The following NR3C2 variants were observed in gnomAD, a reference collection of about 807,000 sequenced individuals.
NR3C2 encodes nuclear receptor subfamily 3 group C member 2.
NR3C2 carries 15 observed loss-of-function variants against 86.4 expected under a neutral mutation model. The observed-to-expected ratio is 0.17, with a 90% CI of 0.12 to 0.27. The LOEUF (loss-of-function observed/expected upper bound fraction) is 0.27. Ranked by LOEUF, NR3C2 falls within the 10% of genes least tolerant of loss-of-function variation. The pLI is 1.00. For missense variants in NR3C2, 960 were observed against 1,195.6 expected (o/e 0.80, Z 2.91); for synonymous variants, 458 against 450.5 (o/e 1.02, Z -0.21).
chr4:148,333,624 C>G (rs1018243530), intron 2 of NR3C2, among the ~76,000 whole-genome samples: 1 of 152,130 alleles, frequency 6.6e-6, no homozygotes, highest in African/African-American at 2.4e-5. Flanking sequence ...TAGTCCCACA[C>G]AGTCACCTCC....
At chr4:148,368,248 C>T (rs1194972678) in intron 2 of NR3C2, 1 of 152,200 alleles carries the variant, frequency 6.6e-6, no homozygotes, top group East Asian at 1.9e-4. Context: ...AGCTGAGATT[C>T]TTGCTGTGTC....
chr4:148,382,504 C>G (rs1747050527), intron 2 of NR3C2, among the ~76,000 whole-genome samples: 1 of 152,142 alleles, frequency 6.6e-6, no homozygotes, highest in Non-Finnish European at 1.5e-5. Flanking sequence ...GAACACAGAT[C>G]TGTTCAACTC....
rs200005554 is a variant in NR3C2, at chr4:148,134,680, G to A, written c.2511-14392C>T. Among the ~76,000 whole-genome samples, 21 of 56,494 alleles carry A rather than the reference G, an allele frequency of 3.7e-4. No individual in the cohort carries two copies. The East Asian group carries it at 0.019, about 51-fold the overall frequency. 37.1% of individuals were successfully genotyped at this position (56,494 alleles called of 152,430 possible). ...TTTTTTTTTTTTTAGAGGGAGTCTC[G>A]CTCTATCGCCCAGGCTGGAGTGCTG... On this transcript the variant is annotated intron_variant, in intron 6 of 8. Coordinates refer to ENST00000358102, the MANE Select transcript of NR3C2 (RefSeq NM_000901.5).
Position 148,209,200 on chromosome 4 carries a change from T to C in NR3C2, c.1898-14338A>G, listed in dbSNP as rs370751282. Among the ~76,000 whole-genome samples, 29 of 148,092 alleles carry C rather than the reference T, an allele frequency of 2.0e-4. No homozygotes were observed. The South Asian group carries it at 3.4e-3, about 17-fold the overall frequency. On this transcript the variant is annotated intron_variant, in intron 3 of 8. Coordinates refer to ENST00000358102, the MANE Select transcript of NR3C2 (RefSeq NM_000901.5). ...CAGAGGTTGCAGTGAGCCGAAATAG[T>C]GCGACTGCACTCCAGCCTGGGCAAC...
At chr4:148,143,058 T>C (rs1330848677) in intron 6 of NR3C2, among the ~76,000 whole-genome samples, 2 of 152,166 alleles carry the variant, frequency 1.3e-5, no homozygotes, top group African/African-American at 2.4e-5. Context: ...AAATCTCCTT[T>C]CTTTATAAAT....
At chr4:148,345,520 G>T (rs1744946650) in intron 2 of NR3C2, among the ~76,000 whole-genome samples, 1 of 151,944 alleles carries the variant, frequency 6.6e-6, no homozygotes, top group African/African-American at 2.4e-5. Context: ...ATTTATTTTT[G>T]AGGGGGGTAA....
At chr4:148,424,957 A>G (rs1749457275) in intron 2 of NR3C2, among the ~76,000 whole-genome samples, 1 of 152,186 alleles carries the variant, frequency 6.6e-6, no homozygotes, top group African/African-American at 2.4e-5. Flanking sequence ...TAAGTCATCA[A>G]TTATCTTGGA....
intron 2 of NR3C2, among the ~76,000 whole-genome samples, chr4:148,295,821 T>C (rs912318070): frequency 2.0e-5 from 3 of 151,824 alleles, no homozygotes; most frequent in African/African-American, 7.3e-5. Flanking sequence ...AATCACTGAA[T>C]CATGAAGATG....
At chr4:148,416,032 GCATAT>G (rs1748977889) in intron 2 of NR3C2, among the ~76,000 whole-genome samples, 1 of 151,884 alleles carries the variant, frequency 6.6e-6, no homozygotes, top group African/African-American at 2.4e-5. Flanking sequence ...CTATAGAGCT[GCATAT>G]CATAATATTA....
At chr4:148,260,476 C>G (rs1740040910) in intron 2 of NR3C2, among the ~76,000 whole-genome samples, 1 of 152,128 alleles carries the variant, frequency 6.6e-6, no homozygotes, top group Non-Finnish European at 1.5e-5. Flanking sequence ...TATTTGCTGT[C>G]CTTTTATTTT....
At chr4:148,158,554 C>G (rs1191795468) in intron 4 of NR3C2, among the ~76,000 whole-genome samples, 2 of 152,180 alleles carry the variant, frequency 1.3e-5, no homozygotes, top group East Asian at 1.9e-4. Context: ...TAAAAATATT[C>G]CAGCACATTA....
intron 3 of NR3C2, 114 bp downstream of exon 3, chr4:148,259,864 G>A: frequency 7.3e-7 from 1 of 1,368,380 alleles, no homozygotes; most frequent in Non-Finnish European, 1.0e-6. Flanking sequence ...ATCACTGACA[G>A]ATTAAATCAA....
At chr4:148,262,688 T>G (rs903743241) in intron 2 of NR3C2, among the ~76,000 whole-genome samples, 2 of 152,146 alleles carry the variant, frequency 1.3e-5, no homozygotes, top group Non-Finnish European at 2.9e-5. Context: ...CATACTGGAA[T>G]AGGGTGGACC....
At chr4:148,334,193 G>T (rs950981675) in intron 2 of NR3C2, among the ~76,000 whole-genome samples, 1 of 152,176 alleles carries the variant, frequency 6.6e-6, no homozygotes, top group Admixed American at 6.5e-5. Flanking sequence ...TTGATTTAGA[G>T]AAAGTACAAA....
intron 2 of NR3C2, among the ~76,000 whole-genome samples, chr4:148,380,293 T>C (rs556642995): frequency 5.8e-4 from 89 of 152,360 alleles, no homozygotes; most frequent in Non-Finnish European, 1.2e-3. Flanking sequence ...GTATCAGTAC[T>C]TCATCCACTT....
chr4:148,444,792 G>A (rs945599446), upstream of NR3C2: 8 of 984,898 alleles, frequency 8.1e-6, no homozygotes, highest in Admixed American at 1.8e-4. Flanking sequence ...GCGGCGGCCG[G>A]GCCTCTGGCG....
At chr4:148,368,518 A>G (rs1346620690) in intron 2 of NR3C2, 1 of 152,190 alleles carries the variant, frequency 6.6e-6, no homozygotes, top group African/African-American at 2.4e-5. Context: ...TGACAGTGGT[A>G]TATTTTTATT....
chr4:148,217,042 A>G (rs1055811990), intron 3 of NR3C2, among the ~76,000 whole-genome samples: 4 of 152,238 alleles, frequency 2.6e-5, no homozygotes, highest in Admixed American at 2.6e-4. Context: ...AAGTGGCAAG[A>G]CAGCTAGTAA....
intron 3 of NR3C2, among the ~76,000 whole-genome samples, chr4:148,234,864 A>G (rs557872270): frequency 3.3e-5 from 5 of 152,282 alleles, no homozygotes; most frequent in South Asian, 4.1e-4. Context: ...CAGGTTTGCT[A>G]TACAGGTAAA....
Sources: gnomAD v4.1 joint callset for allele counts (sites outside exome capture counted in the v4.1 genomes callset) on GRCh38, gnomAD v4.1.1 for gene constraint, MANE v1.5 for transcripts, NCBI Gene and HGNC (gene_info 2026-07-23, HGNC 2026-07-21) for gene names.